GBF1: variants seen among roughly 807,000 people sequenced by gnomAD.
The protein encoded by GBF1 is Golgi-specific brefeldin A-resistance guanine nucleotide exchange factor 1.
GBF1 carries 114 observed loss-of-function variants against 210.5 expected under a neutral mutation model. The ratio of observed to expected loss-of-function variants is 0.54; its 90% CI spans 0.47 to 0.63. The LOEUF (loss-of-function observed/expected upper bound fraction) is 0.63, where lower values mean the gene tolerates loss of function less well. Ranked by LOEUF, GBF1 falls within the 30% of genes least tolerant of loss-of-function variation. The pLI is 0.00. For missense variants in GBF1, 1,851 were observed against 2,357.7 expected, an observed-to-expected ratio of 0.79 and a Z score of 4.45; for synonymous variants, 850 against 889.2, an observed-to-expected ratio of 0.96 and a Z score of 0.78.
In GBF1 at chr10:102,369,691, AT is replaced by A. The variant is rs1301578505; in HGVS notation, c.3151-16del. 1 of 1,610,756 alleles carries A rather than the reference AT, an allele frequency of 6.2e-7. No homozygotes were observed. The highest frequency in any genetic ancestry group is 1.3e-5 in the African/African-American group (1 of 74,868). On this transcript the variant is annotated intron_variant, in intron 24 of 39. Transcript: ENST00000369983. ...TGCAAAGGACACATGGAAAGAAATT[AT>A]TTTGACTTACTTTTCCAGGTAGAAG...
intron 1 of GBF1, among the ~76,000 whole-genome samples, chr10:102,252,021 T>C (rs2071600432): frequency 6.6e-6 from 1 of 150,960 alleles, no homozygotes; most frequent in Non-Finnish European, 1.5e-5. Flanking sequence ...AAACCCCAAC[T>C]CTACTAAAAA....
chr10:102,365,451 T>C lies in GBF1; in HGVS notation c.2161T>C (p.Phe721Leu). Residue 721 changes from phenylalanine to leucine, a missense_variant, in exon 18 of 40, where the codon TTT becomes CTT. Physicochemically the swap from Phe to Leu is conservative, Grantham distance 22. Around this residue, in one of 3 missense-constraint regions of GBF1, gnomAD observed 804 missense variants for 958.6 expected, o/e 0.84. Transcript: ENST00000369983. The stretch of plus-strand genomic sequence containing the variant: ...TCAGAAACCAAAGAAGGGGATTCAG[T>C]TTCTGCAAGAGAAAGGCCTCCTCAC... ...FNQKPKKGIQ[F>L]LQEKGLLTIP... 6.2e-7 allele frequency: 1 copy of C among 1,614,092 alleles called. No individual in the cohort carries two copies. The highest frequency in any genetic ancestry group is 8.5e-7 in the Non-Finnish European group (1 of 1,179,970).
At chr10:102,380,073 A>G (rs1013157011) in intron 36 of GBF1, 119 bp downstream of exon 36, 11 of 753,506 alleles carry the variant, frequency 1.5e-5, no homozygotes, top group Admixed American at 1.1e-4. Context: ...CCCCCCAGCT[A>G]TGGACACTAA....
chr10:102,344,236 TG>T, intron 4 of GBF1, 54 bp downstream of exon 4: 1 of 1,588,686 alleles, frequency 6.3e-7, no homozygotes, highest in Non-Finnish European at 8.6e-7. Context: ...CCACCTTTCC[TG>T]GGGTGCCCAG....
chr10:102,287,339 A>ATTTTATT (rs1565062394), intron 3 of GBF1, among the ~76,000 whole-genome samples: 1 of 65,238 alleles, frequency 1.5e-5, no homozygotes, highest in Non-Finnish European at 3.0e-5. Context: ...CTTTTATTTT[A>ATTTTATT]TTTTCTTTTT....
upstream of GBF1, among the ~76,000 whole-genome samples, chr10:102,243,750 T>G (rs2070608100): frequency 6.6e-6 from 1 of 152,184 alleles, no homozygotes; most frequent in Admixed American, 6.5e-5. Flanking sequence ...GATCCTCAGC[T>G]GGACCCACCG....
intron 3 of GBF1, among the ~76,000 whole-genome samples, chr10:102,324,964 A>G (rs566757597): frequency 6.6e-6 from 1 of 152,308 alleles, no homozygotes; most frequent in African/African-American, 2.4e-5. Context: ...TGAGAATTAC[A>G]TGAGTTGATG....
chr10:102,378,761 C>G (rs2060661668), intron 33 of GBF1, among the ~76,000 whole-genome samples: 1 of 152,148 alleles, frequency 6.6e-6, no homozygotes. Flanking sequence ...TGGCAAAACC[C>G]CATCTCTACA....
chr10:102,327,030 C>T (rs775121363), intron 3 of GBF1, among the ~76,000 whole-genome samples: 5 of 152,182 alleles, frequency 3.3e-5, no homozygotes, highest in South Asian at 4.1e-4. Context: ...AAATGTACCA[C>T]GTCACAGCAT....
At chr10:102,240,916 G>A (rs113202558), upstream of GBF1, among the ~76,000 whole-genome samples, 698 of 152,298 alleles carry the variant, frequency 4.6e-3, 9 homozygotes, top group African/African-American at 0.015. Context: ...AGGGGCATCG[G>A]GCGCCGTCAA....
At chr10:102,300,971 CTTTTCTTTT>C (rs1219034948) in intron 3 of GBF1, among the ~76,000 whole-genome samples, 1 of 65,182 alleles carries the variant, frequency 1.5e-5, no homozygotes, top group East Asian at 3.2e-4. Context: ...TCAGTATTTT[CTTTTCTTTT>C]TTTTTTTTTT....
rs879575033 is a variant in GBF1 at position 102,260,473 on chromosome 10, C to CTTTTT, written c.163+359_163+360insTTTTT. ...CTGTGCCTGGCCTATATTTTCCTTT[C>CTTTTT]TTCTTTTTTTTTTTTTTTTTTTTTT... On this transcript the variant is annotated intron_variant, in intron 3 of 39. Transcript: ENST00000369983. Among the ~76,000 whole-genome samples, 446 of 74,624 alleles carry CTTTTT rather than the reference C, an allele frequency of 6.0e-3. 50 individuals are homozygous for CTTTTT. Among genetic ancestry groups the CTTTTT allele is most frequent in the East Asian group, 9.7e-3 (22 of 2,274 alleles). The allele number at this position is 74,624 out of a possible 152,430, so 49.0% of individuals were successfully genotyped here.
At chr10:102,311,181 G>A (rs939241622) in intron 3 of GBF1, among the ~76,000 whole-genome samples, 49 of 152,342 alleles carry the variant, frequency 3.2e-4, no homozygotes, top group African/African-American at 1.2e-3. Context: ...AATACTCCTA[G>A]TCACTCTGCA....
chr10:102,351,784 A>AC, intron 5 of GBF1, 59 bp from the exon 6 acceptor site: 1 of 951,452 alleles, frequency 1.1e-6, no homozygotes, highest in South Asian at 1.3e-5. Flanking sequence ...CCTCTCTCTT[A>AC]CCCTTGAGTA....
At chr10:102,315,517 G>A (rs1159934071) in intron 3 of GBF1, among the ~76,000 whole-genome samples, 1 of 152,130 alleles carries the variant, frequency 6.6e-6, no homozygotes, top group Non-Finnish European at 1.5e-5. Flanking sequence ...AGACAGTGGG[G>A]CTGGAGGGCA....
intron 3 of GBF1, among the ~76,000 whole-genome samples, chr10:102,294,569 G>A (rs978231630): frequency 8.6e-5 from 13 of 151,938 alleles, no homozygotes; most frequent in South Asian, 2.1e-4. Flanking sequence ...TTTTAGTAGA[G>A]ATGGGGTTTC....
chr10:102,293,771 G>GTTTTTTTTTTTTTCTTTTTTTTTT (rs2076660163), intron 3 of GBF1, among the ~76,000 whole-genome samples: 1 of 22,906 alleles, frequency 4.4e-5, no homozygotes, highest in African/African-American at 2.2e-4. Flanking sequence ...TATGTTTTGT[G>GTTTTTTTTTTTTTCTTTTTTTTTT]TTTTTTTTTT....
At chr10:102,357,523 C>T (rs1227713195) in intron 8 of GBF1, among the ~76,000 whole-genome samples, 1 of 151,894 alleles carries the variant, frequency 6.6e-6, no homozygotes, top group Non-Finnish European at 1.5e-5. Context: ...GGCTTAGGCC[C>T]AGCTCACATA....
chr10:102,380,075 G>A (rs1472074697), intron 36 of GBF1, 121 bp downstream of exon 36: 8 of 754,178 alleles, frequency 1.1e-5, no homozygotes, highest in Non-Finnish European at 1.8e-5. Context: ...CCCCAGCTAT[G>A]GACACTAAGC....
Sources: allele counts gnomAD v4.1 joint callset (sites outside exome capture counted in the v4.1 genomes callset), GRCh38; gene constraint gnomAD v4.1.1; regional missense constraint gnomAD v4.1.1; transcripts MANE v1.5; gene names NCBI Gene and HGNC (gene_info 2026-07-23, HGNC 2026-07-21).